The following DMD variants were observed in gnomAD, a reference collection of about 807,000 sequenced individuals.
The protein encoded by DMD is mutant dystrophin.
A neutral mutation model predicts 330.1 loss-of-function variants in DMD; 63 were observed. The ratio of observed to expected loss-of-function variants is 0.19; its 90% CI spans 0.16 to 0.24. The LOEUF (loss-of-function observed/expected upper bound fraction) is 0.24. Ranked by LOEUF, DMD falls within the 10% of genes least tolerant of loss-of-function variation. The probability of loss-of-function intolerance (pLI) is 1.00; values close to 1 mark genes in which losing one functional copy is unlikely to be tolerated. For missense variants in DMD, 3,344 were observed against 2,684.1 expected, an observed-to-expected ratio of 1.25 and a Z score of -5.43; for synonymous variants, 1,223 against 959.8, an observed-to-expected ratio of 1.27 and a Z score of -5.07.
chrX:32,600,136 C>A (rs1438338857), intron 12 of DMD, among the ~76,000 whole-genome samples: 1 of 112,065 alleles, frequency 8.9e-6, no homozygotes, highest in Non-Finnish European at 1.9e-5. Context: ...ATCAGTGATA[C>A]TGAATTCTTC....
At chrX:31,679,264 G>A (rs1024396032) in intron 53 of DMD, 111 bp downstream of exon 53, 18 of 712,041 alleles carry the variant, frequency 2.5e-5, no homozygotes, top group East Asian at 1.1e-4. Flanking sequence ...CAGCTTTAAC[G>A]TGATTTTCTG....
chrX:32,317,048 T>C (rs990979629), intron 41 of DMD, among the ~76,000 whole-genome samples: 1 of 111,272 alleles, frequency 9.0e-6, no homozygotes, highest in East Asian at 2.8e-4. Flanking sequence ...AATAATTTTA[T>C]CCTTCTGAGT....
intron 33 of DMD, among the ~76,000 whole-genome samples, chrX:32,386,039 T>C (rs1291546681): frequency 9.1e-6 from 1 of 110,257 alleles, no homozygotes; most frequent in Non-Finnish European, 1.9e-5. Context: ...CGTTACGTAT[T>C]TTTCAATCTG....
intron 49 of DMD, among the ~76,000 whole-genome samples, chrX:31,834,863 G>GA (rs1235804566): frequency 1.3e-4 from 13 of 100,363 alleles, no homozygotes; most frequent in East Asian, 3.1e-4. Flanking sequence ...CAGGGAAGGA[G>GA]AAAAAAAAAA....
chrX:32,766,535 T>C (rs919355458), intron 7 of DMD, among the ~76,000 whole-genome samples: 2 of 111,432 alleles, frequency 1.8e-5, no homozygotes, highest in African/African-American at 6.5e-5. Context: ...CTTATTTCTG[T>C]ATATTGATTT....
intron 44 of DMD, among the ~76,000 whole-genome samples, chrX:32,134,212 A>C (rs1359140601): frequency 9.0e-6 from 1 of 110,745 alleles, no homozygotes; most frequent in Non-Finnish European, 1.9e-5. Context: ...TGAGACCCCC[A>C]AGAATCCAGA....
At chrX:31,386,160 A>G (rs1468812110) in intron 60 of DMD, among the ~76,000 whole-genome samples, 7 of 112,045 alleles carry the variant, frequency 6.2e-5, no homozygotes, top group South Asian at 3.8e-4. Context: ...CTCACTCATA[A>G]GTGGGAATTG....
At chrX:31,491,486 C>A (rs1382078643) in intron 57 of DMD, among the ~76,000 whole-genome samples, 5 of 112,251 alleles carry the variant, frequency 4.5e-5, no homozygotes, top group Non-Finnish European at 7.5e-5. Context: ...ACTGTAAAAG[C>A]CAGGATAATG....
intron 44 of DMD, among the ~76,000 whole-genome samples, chrX:32,145,320 T>C (rs1392546722): frequency 8.9e-6 from 1 of 112,361 alleles, no homozygotes; most frequent in African/African-American, 3.2e-5. Context: ...ACATTGTGAA[T>C]AGTGGTAACA....
At chrX:32,356,270 T>C in intron 37 of DMD, among the ~76,000 whole-genome samples, 2 of 108,550 alleles carry the variant, frequency 1.8e-5, no homozygotes, top group Middle Eastern at 4.7e-3. Context: ...TCTTATATAT[T>C]CTACATTACA....
intron 9 of DMD, among the ~76,000 whole-genome samples, chrX:32,659,931 G>A: frequency 9.0e-6 from 1 of 110,891 alleles, no homozygotes; most frequent in Admixed American, 9.6e-5. Flanking sequence ...TTCTTGGGAA[G>A]ACTCTGGTAG....
At chrX:31,516,766 T>C (rs2072250570) in intron 55 of DMD, among the ~76,000 whole-genome samples, 1 of 111,823 alleles carries the variant, frequency 8.9e-6, no homozygotes, top group Admixed American at 9.5e-5. Flanking sequence ...ACTTAAGCAC[T>C]GCAACAGCAG....
chrX:32,709,307 A>C (rs1446111681), intron 7 of DMD, among the ~76,000 whole-genome samples: 1 of 112,157 alleles, frequency 8.9e-6, no homozygotes, highest in Non-Finnish European at 1.9e-5. Flanking sequence ...AGCATCCAAA[A>C]CCATGTAACA....
chrX:33,304,905 A>T (rs1315756304), intron 1 of DMD, among the ~76,000 whole-genome samples: 3 of 105,068 alleles, frequency 2.9e-5, no homozygotes, highest in East Asian at 6.0e-4. Flanking sequence ...ATCATTAAAA[A>T]GTCAGGAAAC....
chrX:31,370,664 A>G (rs920844551), intron 60 of DMD, among the ~76,000 whole-genome samples: 55 of 112,403 alleles, frequency 4.9e-4, no homozygotes, highest in African/African-American at 1.5e-3. Context: ...CATATGACCT[A>G]ACAATTGCAC....
intron 51 of DMD, among the ~76,000 whole-genome samples, chrX:31,734,658 T>C (rs941311976): frequency 3.6e-5 from 4 of 111,344 alleles, no homozygotes; most frequent in Admixed American, 1.9e-4. Flanking sequence ...TTGAGCTAGG[T>C]GCAGGGGCTG....
chrX:33,148,963 C>A (rs755517032), intron 1 of DMD, among the ~76,000 whole-genome samples: 183 of 110,502 alleles, frequency 1.7e-3, no homozygotes, highest in Non-Finnish European at 2.6e-3. Flanking sequence ...TAATAGAATG[C>A]AGTAGAATAG....
chrX:31,136,814 G>A (rs983908750), intron 76 of DMD, among the ~76,000 whole-genome samples: 2 of 111,821 alleles, frequency 1.8e-5, no homozygotes, highest in African/African-American at 6.5e-5. Context: ...TAATATGAGT[G>A]TCCAAGTATA....
chrX:33,069,524 A>G lies in DMD; in HGVS notation c.32-49324T>C, dbSNP rs200170789. ...TTTCCTGAGTTCCTTCAAGCAAAAC[A>G]TAATTCTATAATGAGCAATTATAGC... On this transcript the variant is annotated intron_variant, in intron 1 of 78. Coordinates refer to ENST00000357033, the MANE Select transcript of DMD (RefSeq NM_004006.3). 3.6e-5 allele frequency among the ~76,000 whole-genome samples: 4 copies of G among 111,757 alleles called. No homozygotes were observed. In the East Asian group the frequency reaches 1.1e-3, roughly 31 times the overall value.
Sources: gnomAD v4.1 joint callset for allele counts (sites outside exome capture counted in the v4.1 genomes callset) on GRCh38, gnomAD v4.1.1 for gene constraint, MANE v1.5 for transcripts, NCBI Gene and HGNC (gene_info 2026-07-23, HGNC 2026-07-21) for gene names.